MARCHF2: variants seen among roughly 807,000 people sequenced by gnomAD.
MARCHF2 encodes membrane associated ring-CH-type finger 2.
In MARCHF2, 22 loss-of-function variants were observed where a neutral mutation model predicts 24.0. The ratio of observed to expected loss-of-function variants is 0.92; its 90% CI spans 0.66 to 1.31. The LOEUF is 1.31. MARCHF2 is among the 50% of genes most tolerant of loss of function. MARCHF2 has a pLI of 0.00. For missense variants in MARCHF2, 301 were observed against 335.3 expected (o/e 0.90, Z 0.80); for synonymous variants, 154 against 153.0 (o/e 1.01, Z -0.05).
chr19:8,422,340 G>C (rs1967269824), intron 2 of MARCHF2, among the ~76,000 whole-genome samples: 1 of 152,072 alleles, frequency 6.6e-6, no homozygotes, highest in African/African-American at 2.4e-5. Flanking sequence ...CTGACCCTGA[G>C]TGGACACCTC....
At chr19:8,428,833 G>A (rs1487726058) in intron 3 of MARCHF2, among the ~76,000 whole-genome samples, 2 of 151,094 alleles carry the variant, frequency 1.3e-5, no homozygotes, top group Admixed American at 6.6e-5. Context: ...GCATGGTGGC[G>A]GGGGCCTGTA....
At chr19:8,419,859 A>T (rs1599701518) in intron 1 of MARCHF2, among the ~76,000 whole-genome samples, 1 of 144,282 alleles carries the variant, frequency 6.9e-6, no homozygotes, top group African/African-American at 2.6e-5. Flanking sequence ...AAAAAATAAA[A>T]ATAAAAATAA....
At chr19:8,431,010 G>T (rs1967568667) in intron 4 of MARCHF2, 143 bp downstream of exon 4, 4 of 752,350 alleles carry the variant, frequency 5.3e-6, no homozygotes, top group Non-Finnish European at 8.5e-6. Flanking sequence ...AGCTTCTGAG[G>T]TCACCCTGCC....
At chr19:8,421,257 G>C (rs1350055533) in intron 1 of MARCHF2, among the ~76,000 whole-genome samples, 2 of 151,788 alleles carry the variant, frequency 1.3e-5, no homozygotes, top group East Asian at 1.9e-4. Flanking sequence ...CAAGTAGCTG[G>C]GACTACAGGC....
chr19:8,422,418 A>G lies in MARCHF2; in HGVS notation c.176+402A>G, dbSNP rs562593132. Among the ~76,000 whole-genome samples, 296 of 151,470 alleles carry G rather than the reference A, an allele frequency of 2.0e-3. 2 individuals carry two copies. The highest frequency in any genetic ancestry group is 6.7e-3 in the African/African-American group (275 of 41,276). ...TATCTCTCTTTTTTTTTTGAAACAG[A>G]GTCTCATTTTGTTGCCCAGGCTGGA... is the stretch of plus-strand genomic sequence containing the variant. On this transcript the variant is annotated intron_variant, in intron 2 of 4. Transcript: ENST00000215555.
At chr19:8,423,903 G>T (rs758446907) in intron 2 of MARCHF2, among the ~76,000 whole-genome samples, 1 of 150,312 alleles carries the variant, frequency 6.7e-6, no homozygotes, top group Non-Finnish European at 1.5e-5. Context: ...TCGGGAGACT[G>T]AGGCAGGAGG....
chr19:8,428,664 A>C (rs1044704254), intron 3 of MARCHF2, among the ~76,000 whole-genome samples: 8 of 142,932 alleles, frequency 5.6e-5, no homozygotes, highest in African/African-American at 1.3e-4. Flanking sequence ...AAAAAAAAAA[A>C]AAAAAAAAAA....
At chr19:8,428,675 A>AAAAAAAAAC (rs1967486403) in intron 3 of MARCHF2, among the ~76,000 whole-genome samples, 1 of 148,048 alleles carries the variant, frequency 6.8e-6, no homozygotes, top group Non-Finnish European at 1.5e-5. Flanking sequence ...AAAAAAAAAA[A>AAAAAAAAAC]AAAAAAAACC....
intron 4 of MARCHF2, among the ~76,000 whole-genome samples, chr19:8,431,801 G>A (rs1967594359): frequency 6.6e-6 from 1 of 152,104 alleles, no homozygotes; most frequent in Admixed American, 6.6e-5. Context: ...TTGCGCCACT[G>A]CACTCCAGCC....
intron 3 of MARCHF2, among the ~76,000 whole-genome samples, chr19:8,427,163 T>C (rs1967428657): frequency 6.6e-6 from 1 of 152,134 alleles, no homozygotes; most frequent in Non-Finnish European, 1.5e-5. Context: ...TTCTTCTGCT[T>C]CAGCCTCCCA....
intron 1 of MARCHF2, among the ~76,000 whole-genome samples, chr19:8,419,123 G>T (rs999006174): frequency 1.3e-5 from 2 of 152,172 alleles, no homozygotes; most frequent in South Asian, 4.1e-4. Flanking sequence ...CACTTTGGGA[G>T]TCCGAGGCAG....
chr19:8,416,340 CAAA>C (rs71175852), intron 1 of MARCHF2, among the ~76,000 whole-genome samples: 1,023 of 77,426 alleles, frequency 0.013, 12 homozygotes, highest in African/African-American at 0.049. Flanking sequence ...GACTCTGTCT[CAAA>C]AAAAAAAAAA....
At chr19:8,415,598 G>GATTA (rs1358717840) in intron 1 of MARCHF2, among the ~76,000 whole-genome samples, 3 of 150,852 alleles carry the variant, frequency 2.0e-5, no homozygotes, top group African/African-American at 4.9e-5. Context: ...GAGGGCACCG[G>GATTA]TAATCCCAGC....
chr19:8,426,617 C>G lies in MARCHF2; in HGVS notation c.185C>G (p.Pro62Arg), dbSNP rs776620337. Residue 62 changes from proline to arginine, a missense_variant, in exon 3 of 5, where the codon CCT becomes CGT. Coordinates refer to ENST00000215555, the MANE Select transcript of MARCHF2 (RefSeq NM_001005415.2). ...IRALDTPSDG[P>R]FCRICHEGAN... ...CCTATCTCTGTGTCCAGTGATGGTC[C>G]TTTCTGCCGGATCTGCCATGAGGGA... is the stretch of plus-strand genomic sequence containing the variant. 1.2e-6 allele frequency: 2 copies of G among 1,613,806 alleles called. No homozygotes were observed. The highest frequency in any genetic ancestry group is 1.1e-5 in the South Asian group (1 of 91,060).
intron 4 of MARCHF2, among the ~76,000 whole-genome samples, chr19:8,432,875 C>T (rs1967618247): frequency 6.6e-6 from 1 of 151,072 alleles, no homozygotes; most frequent in Non-Finnish European, 1.5e-5. Flanking sequence ...TCACCATAGC[C>T]CATGAGTTCA....
chr19:8,416,692 G>A (rs1967095405), intron 1 of MARCHF2, among the ~76,000 whole-genome samples: 1 of 151,920 alleles, frequency 6.6e-6, no homozygotes, highest in Non-Finnish European at 1.5e-5. Context: ...TCAGCCTCCT[G>A]AGTAGCTGGG....
Position 8,438,535 on chromosome 19 carries a change from A to G in MARCHF2, c.730A>G (p.Thr244Ala), listed in dbSNP as rs746506404. The change falls in exon 5 of 5, where the codon ACA becomes GCA. Residue 244 changes from threonine (T) to alanine (A), a missense_variant. Coordinates refer to ENST00000215555, the MANE Select transcript of MARCHF2 (RefSeq NM_001005415.2). The part of the protein sequence containing the change: ...AGLLKKVAEE[T>A]PV ...ACTCCTGAAGAAGGTGGCAGAGGAG[A>G]CACCAGTATGAATGCTGGGCTCTCC... The G allele has an allele frequency of 1.2e-6, 2 of 1,613,868 alleles. No individual in the cohort carries two copies. The highest frequency in any genetic ancestry group is 1.1e-5 in the South Asian group (1 of 91,088).
At position 8,430,360 on chromosome 19, in the gene MARCHF2, C is replaced by A. The variant is rs1217265747; in HGVS notation, c.373-298C>A. Among the ~76,000 whole-genome samples the A allele has an allele frequency of 1.3e-5, 2 of 151,328 alleles. No individual in the cohort carries two copies. The highest frequency in any genetic ancestry group is 6.6e-5 in the Admixed American group (1 of 15,142). On this transcript the variant is annotated intron_variant, in intron 3 of 4. Coordinates refer to ENST00000215555, the MANE Select transcript of MARCHF2 (RefSeq NM_001005415.2). The surrounding 1 kb of genome is among the most constrained non-coding windows in gnomAD (Gnocchi z 4.4). ...CCTGGCTGACAGAGCGAGACTCTGTCTCAAAAAATATATATACATACAAAA... is the reference window on the plus strand; with the variant it reads ...CCTGGCTGACAGAGCGAGACTCTGTATCAAAAAATATATATACATACAAAA...
chr19:8,426,332 A>G (rs1490769593), intron 2 of MARCHF2, among the ~76,000 whole-genome samples: 4 of 150,886 alleles, frequency 2.7e-5, no homozygotes, highest in Admixed American at 2.6e-4. Flanking sequence ...GGGGGCGGGT[A>G]TAACAGATGC....
Sources: allele counts gnomAD v4.1 joint callset (sites outside exome capture counted in the v4.1 genomes callset), GRCh38; gene constraint gnomAD v4.1.1; non-coding constraint Gnocchi (gnomAD v3.1); transcripts MANE v1.5; gene names NCBI Gene and HGNC (gene_info 2026-07-23, HGNC 2026-07-21).